CBL: variants seen among roughly 807,000 people sequenced by gnomAD.
CBL encodes E3 ubiquitin-protein ligase CBL.
CBL carries 45 observed loss-of-function variants against 96.9 expected under a neutral mutation model. The ratio of observed to expected loss-of-function variants is 0.46; its 90% CI spans 0.37 to 0.60. The LOEUF is 0.60. CBL is among the 20% of genes least tolerant of loss of function. The pLI is 0.00. For synonymous variants in CBL, 420 were observed against 426.8 expected, an observed-to-expected ratio of 0.98 and a Z score of 0.20; for missense variants, 1,024 against 1,143.5, an observed-to-expected ratio of 0.90 and a Z score of 1.51.
At chr11:119,282,509 A>G (rs937421795) in intron 9 of CBL, among the ~76,000 whole-genome samples, 5 of 152,200 alleles carry the variant, frequency 3.3e-5, no homozygotes, top group African/African-American at 4.8e-5. Context: ...GGAAGTCGAA[A>G]TAATCATTAG....
At chr11:119,281,424 G>A (rs182201917) in intron 9 of CBL, among the ~76,000 whole-genome samples, 1 of 151,758 alleles carries the variant, frequency 6.6e-6, no homozygotes, top group African/African-American at 2.4e-5. Context: ...AATTGTTAAG[G>A]CTTCACTGAC....
At chr11:119,274,171 T>G (rs1949870299) in intron 4 of CBL, 147 bp downstream of exon 4, 1 of 679,928 alleles carries the variant, frequency 1.5e-6, no homozygotes, top group African/African-American at 1.8e-5. Context: ...AAAAAAAGAT[T>G]AAAACTATCT....
At chr11:119,260,070 T>C (rs1949742887) in intron 2 of CBL, among the ~76,000 whole-genome samples, 1 of 152,176 alleles carries the variant, frequency 6.6e-6, no homozygotes, top group Non-Finnish European at 1.5e-5. Context: ...GTTATACTCA[T>C]GTTAGTATCT....
Position 119,278,677 on chromosome 11 carries a change from T to C in CBL, c.1395T>C (p.Asp465=). The change falls in exon 9 of 16, where the codon GAT becomes GAC. Residue 465 remains aspartate (D), a synonymous_variant. Coordinates refer to ENST00000264033, the MANE Select transcript of CBL (RefSeq NM_005188.4). ...YDDDDDERAD[D]TLFMMKELAG... ...ATGATGATGATGAACGAGCTGATGA[T>C]ACTCTCTTCATGATGAAGGAATTGG... 1.2e-6 allele frequency: 2 copies of C among 1,613,104 alleles called. No homozygotes were observed. The highest frequency in any genetic ancestry group is 1.7e-6 in the Non-Finnish European group (2 of 1,179,134).
At chr11:119,222,912 C>A (rs1949422562) in intron 1 of CBL, among the ~76,000 whole-genome samples, 1 of 152,056 alleles carries the variant, frequency 6.6e-6, no homozygotes. Flanking sequence ...GTGGCTCTTG[C>A]CTGTATATAA....
At chr11:119,230,157 T>G (rs1381831909) in intron 1 of CBL, among the ~76,000 whole-genome samples, 1 of 151,842 alleles carries the variant, frequency 6.6e-6, no homozygotes, top group African/African-American at 2.4e-5. Context: ...TTTTGTTTTT[T>G]GTTTTTTTTT....
At chr11:119,263,652 GT>G (rs983088666) in intron 2 of CBL, among the ~76,000 whole-genome samples, 1 of 151,644 alleles carries the variant, frequency 6.6e-6, no homozygotes, top group African/African-American at 2.4e-5. Context: ...TTTTCGTTTT[GT>G]TTTGTTTTGT....
intron 2 of CBL, among the ~76,000 whole-genome samples, chr11:119,263,022 C>T (rs997742377): frequency 6.6e-6 from 1 of 152,130 alleles, no homozygotes; most frequent in Non-Finnish European, 1.5e-5. Context: ...TTGTAAGATA[C>T]GGTTAGTAAT....
rs867407445 is a variant in CBL, at chr11:119,302,692, G to A, written c.*2911G>A. 3.0e-5 allele frequency: 7 copies of A among 231,204 alleles called. No individual in the cohort carries two copies. The South Asian group carries it at 5.4e-4, about 18-fold the overall frequency. The allele number at this position is 231,204 out of a possible 1,614,324, so 14.3% of individuals were successfully genotyped here. On this transcript the variant is annotated 3_prime_UTR_variant, in exon 16 of 16. Coordinates refer to ENST00000264033, the MANE Select transcript of CBL (RefSeq NM_005188.4). Reference sequence around the variant, plus strand: ...CAGCAACTGGACCTTTCCAGCTGTCGCCATGTTCCTTCCACTAAAGTAGAG... The same window carrying A: ...CAGCAACTGGACCTTTCCAGCTGTCACCATGTTCCTTCCACTAAAGTAGAG...
chr11:119,285,650 A>G (rs942734062), intron 11 of CBL, 84 bp downstream of exon 11: 5 of 1,489,190 alleles, frequency 3.4e-6, no homozygotes, highest in African/African-American at 2.8e-5. Context: ...AATCCCAGCA[A>G]TTTGGGAGGC....
chr11:119,242,346 A>C (rs1005989528), intron 2 of CBL, among the ~76,000 whole-genome samples: 1 of 151,906 alleles, frequency 6.6e-6, no homozygotes, highest in African/African-American at 2.4e-5. Context: ...GTTCGAGACC[A>C]GCGTGAACAT....
intron 2 of CBL, among the ~76,000 whole-genome samples, chr11:119,247,070 T>A (rs1003875752): frequency 6.6e-6 from 1 of 152,206 alleles, no homozygotes; most frequent in Non-Finnish European, 1.5e-5. Flanking sequence ...TTATTGACAA[T>A]GAAAACTGCC....
chr11:119,227,252 G>A (rs1949465997), intron 1 of CBL, among the ~76,000 whole-genome samples: 1 of 152,176 alleles, frequency 6.6e-6, no homozygotes. Context: ...ACTGTGTTAT[G>A]AACATGTTTA....
Position 119,206,443 on chromosome 11 carries a change from C to T in CBL, c.26C>T (p.Ser9Phe), listed in dbSNP as rs772525018. 1.9e-6 allele frequency: 3 copies of T among 1,578,676 alleles called. No homozygotes were observed. The highest frequency in any genetic ancestry group is 1.3e-5 in the African/African-American group (1 of 74,402). ...ATGGCCGGCAACGTGAAGAAGAGCT[C>T]TGGGGCCGGGGGCGGCAGCGGCTCC... is the stretch of plus-strand genomic sequence containing the variant. MAGNVKKS[S>F]GAGGGSGSGG... Residue 9 changes from serine (S) to phenylalanine (F), a missense_variant, in exon 1 of 16, where the codon TCT becomes TTT. Coordinates refer to ENST00000264033, the MANE Select transcript of CBL (RefSeq NM_005188.4).
intron 12 of CBL, among the ~76,000 whole-genome samples, chr11:119,292,596 A>AT (rs1355226369): frequency 1.7e-4 from 26 of 151,096 alleles, no homozygotes; most frequent in Non-Finnish European, 3.4e-4. Flanking sequence ...AATTTTTTGT[A>AT]TTTTTTTAGT....
chr11:119,227,572 C>T (rs529957769), intron 1 of CBL, among the ~76,000 whole-genome samples: 18 of 148,840 alleles, frequency 1.2e-4, no homozygotes, highest in African/African-American at 3.7e-4. Context: ...TTTTTTATGA[C>T]GGAGTTTTGC....
Position 119,278,225 on chromosome 11 carries a change from T to C in CBL, c.1155T>C (p.Ala385=), listed in dbSNP as rs2135303738. Residue 385 remains alanine (A), a synonymous_variant, in exon 8 of 16, where the codon GCT becomes GCC. Coordinates refer to ENST00000264033, the MANE Select transcript of CBL (RefSeq NM_005188.4). Reference sequence around the variant, plus strand: ...CATTCCAACTATGTAAAATATGTGCTGAAAATGATAAGGATGTAAAGATTG... The same window carrying C: ...CATTCCAACTATGTAAAATATGTGCCGAAAATGATAAGGATGTAAAGATTG... The part of the protein sequence containing the change: ...GSTFQLCKIC[A]ENDKDVKIEP... The C allele has an allele frequency of 6.2e-7, 1 of 1,612,298 alleles. No individual in the cohort carries two copies. Among genetic ancestry groups the C allele is most frequent in the Non-Finnish European group, 8.5e-7 (1 of 1,178,326 alleles).
chr11:119,242,527 G>A (rs1265207916), intron 2 of CBL, among the ~76,000 whole-genome samples: 8 of 108,804 alleles, frequency 7.4e-5, no homozygotes, highest in African/African-American at 2.9e-4. Context: ...GACAGAGTGA[G>A]ACTCCATCTC....
At chr11:119,243,784 A>G (rs982581447) in intron 2 of CBL, among the ~76,000 whole-genome samples, 2 of 151,998 alleles carry the variant, frequency 1.3e-5, no homozygotes, top group African/African-American at 2.4e-5. Flanking sequence ...GCAGGAATGC[A>G]GAGGTGTGAT....
Sources: gnomAD v4.1 joint callset for allele counts (sites outside exome capture counted in the v4.1 genomes callset) on GRCh38, gnomAD v4.1.1 for gene constraint, MANE v1.5 for transcripts, NCBI Gene and HGNC (gene_info 2026-07-23, HGNC 2026-07-21) for gene names.